PRKCH: variants seen among roughly 807,000 people sequenced by gnomAD.
PRKCH encodes the protein protein kinase C eta.
In PRKCH, 28 loss-of-function variants were observed where a neutral mutation model predicts 82.5. The ratio of observed to expected loss-of-function variants is 0.34; its 90% CI spans 0.25 to 0.47. The LOEUF (loss-of-function observed/expected upper bound fraction) is 0.47, where lower values mean the gene tolerates loss of function less well. Ranked by LOEUF, PRKCH falls within the 20% of genes least tolerant of loss-of-function variation. The pLI, the probability that PRKCH is intolerant of heterozygous loss-of-function variation, is 1.00. For missense variants in PRKCH, 705 were observed against 881.8 expected (o/e 0.80, Z 2.54); for synonymous variants, 322 against 327.4 (o/e 0.98, Z 0.18).
At chr14:61,488,147 G>A (rs8013527) in intron 10 of PRKCH, among the ~76,000 whole-genome samples, 23,274 of 100,448 alleles carry the variant, frequency 0.23, 2,032 homozygotes, top group South Asian at 0.33. Context: ...GCGAGACTCC[G>A]TCTCAAAAAA....
At chr14:61,313,611 T>G (rs1307453761) in intron 1 of PRKCH, among the ~76,000 whole-genome samples, 1 of 152,116 alleles carries the variant, frequency 6.6e-6, no homozygotes, top group Non-Finnish European at 1.5e-5. Flanking sequence ...TACCCGAGAC[T>G]GGGCAATTTA....
At position 61,536,930 on chromosome 14, in the gene PRKCH, A is replaced by G. The variant is rs531257348; in HGVS notation, c.1761+6335A>G. ...GTGTATAGCTGTTCAAACATTTCCT[A>G]TAGACGTGGGTAGTGGACAAAGGAC... is the stretch of plus-strand genomic sequence containing the variant. On this transcript the variant is annotated intron_variant, in intron 12 of 13. Transcript: ENST00000332981. 1.7e-4 allele frequency among the ~76,000 whole-genome samples: 26 copies of G among 152,218 alleles called. No homozygotes were observed. The South Asian group carries it at 2.3e-3, about 13-fold the overall frequency.
chr14:61,201,577 A>G (rs2044482069), intron 1 of PRKCH, among the ~76,000 whole-genome samples: 1 of 152,178 alleles, frequency 6.6e-6, no homozygotes, highest in South Asian at 2.1e-4. Context: ...ATAGTAATAT[A>G]AAGTTAGGGG....
chr14:61,288,483 G>A (rs996465466), intron 1 of PRKCH, among the ~76,000 whole-genome samples: 32 of 152,194 alleles, frequency 2.1e-4, no homozygotes, highest in African/African-American at 7.7e-4. Context: ...CCTATGTCAT[G>A]TGTGCTGATC....
chr14:61,188,604 G>A (rs2044384515), intron 1 of PRKCH, among the ~76,000 whole-genome samples: 1 of 61,278 alleles, frequency 1.6e-5, no homozygotes, highest in Admixed American at 1.8e-4. Context: ...GGGTGGGGGG[G>A]TGGTGTGGTG....
intron 1 of PRKCH, among the ~76,000 whole-genome samples, chr14:61,389,833 T>C (rs1321449883): frequency 6.7e-6 from 1 of 150,222 alleles, no homozygotes; most frequent in Non-Finnish European, 1.5e-5. Flanking sequence ...ACTAGAGTTC[T>C]TGGCCTGGTC....
intron 1 of PRKCH, among the ~76,000 whole-genome samples, chr14:61,276,174 T>G (rs566339636): frequency 1.3e-5 from 2 of 152,230 alleles, no homozygotes; most frequent in East Asian, 3.9e-4. Flanking sequence ...ACGACTCTTT[T>G]GCAACTACTC....
chr14:61,389,616 G>A (rs1409866171), intron 1 of PRKCH, among the ~76,000 whole-genome samples: 1 of 151,594 alleles, frequency 6.6e-6, no homozygotes, highest in Non-Finnish European at 1.5e-5. Context: ...CAGGAGAATC[G>A]CTTGAGGCTG....
chr14:61,393,158 C>T (rs1329351901), intron 2 of PRKCH, among the ~76,000 whole-genome samples: 2 of 152,128 alleles, frequency 1.3e-5, no homozygotes, highest in Admixed American at 6.5e-5. Flanking sequence ...TGTCTCATTA[C>T]TGTTGCTTTA....
intron 2 of PRKCH, among the ~76,000 whole-genome samples, chr14:61,436,547 T>C (rs1208227492): frequency 6.6e-6 from 1 of 152,210 alleles, no homozygotes; most frequent in Non-Finnish European, 1.5e-5. Flanking sequence ...CAACTTATTT[T>C]TTTGAGGTGG....
rs771837086 is a variant in PRKCH at position 61,457,483 on chromosome 14, T to A, written c.1105-23T>A. On this transcript the variant is annotated intron_variant, in intron 8 of 13. Coordinates refer to ENST00000332981, the MANE Select transcript of PRKCH (RefSeq NM_006255.5). ...GACCCCCAAGAGGACTCCCTCATGC[T>A]CCCTCCTTTTGCTTTGCCATAGGTG... 3.7e-6 allele frequency: 6 copies of A among 1,611,512 alleles called. 1 individual carries two copies. In the South Asian group the frequency reaches 6.6e-5, roughly 18 times the overall value.
chr14:61,358,655 G>T (rs1386941897), intron 1 of PRKCH, among the ~76,000 whole-genome samples: 1 of 152,146 alleles, frequency 6.6e-6, no homozygotes, highest in Admixed American at 6.5e-5. Flanking sequence ...AAGCCCTCTT[G>T]TGATGCTCCA....
At chr14:61,532,469 G>C (rs776008666) in intron 12 of PRKCH, among the ~76,000 whole-genome samples, 1 of 152,156 alleles carries the variant, frequency 6.6e-6, no homozygotes, top group Non-Finnish European at 1.5e-5. Flanking sequence ...CACCATTTGA[G>C]TTGGACATTC....
rs558072054 is a variant in PRKCH at position 61,477,021 on chromosome 14, G to A, written c.1279-8481G>A. The A allele has an allele frequency of 5.3e-5, 8 of 152,242 alleles. No homozygotes were observed. In the East Asian group the frequency reaches 9.6e-4, roughly 18 times the overall value. The allele number at this position is 152,242 out of a possible 1,614,324, so 9.4% of individuals were successfully genotyped here. ...GCTTTTCCACTGTGACCTCTTTGAC[G>A]TCAGTAACTGTTTCCTGTTTATTTG... On this transcript the variant is annotated intron_variant, in intron 9 of 13. Transcript: ENST00000332981.
chr14:61,416,181 G>A (rs1272724581), intron 2 of PRKCH, among the ~76,000 whole-genome samples: 2 of 148,652 alleles, frequency 1.3e-5, no homozygotes, highest in South Asian at 2.1e-4. Flanking sequence ...CCAGCTTCCT[G>A]AGTAGCTGGG....
At chr14:61,219,594 TAAA>T (rs2044640067) in intron 1 of PRKCH, among the ~76,000 whole-genome samples, 1 of 152,218 alleles carries the variant, frequency 6.6e-6, no homozygotes, top group Non-Finnish European at 1.5e-5. Flanking sequence ...GCTGAATGCT[TAAA>T]ATGTTGTCAT....
At chr14:61,485,368 T>TG in intron 9 of PRKCH, 134 bp from the exon 10 acceptor site, 1 of 1,162,238 alleles carries the variant, frequency 8.6e-7, no homozygotes, top group Non-Finnish European at 1.2e-6. Flanking sequence ...CCCTGACCCA[T>TG]GGTCAGGATG....
intron 13 of PRKCH, among the ~76,000 whole-genome samples, chr14:61,548,248 G>A (rs1024491615): frequency 3.3e-5 from 5 of 152,040 alleles, no homozygotes; most frequent in African/African-American, 1.2e-4. Flanking sequence ...GCTCCTTGGG[G>A]CACTTTTTGT....
chr14:61,341,236 C>A (rs2045927094), intron 1 of PRKCH, among the ~76,000 whole-genome samples: 1 of 152,144 alleles, frequency 6.6e-6, no homozygotes, highest in African/African-American at 2.4e-5. Context: ...AGTTTATGAG[C>A]TAAGTACTAA....
Sources: allele counts gnomAD v4.1 joint callset (sites outside exome capture counted in the v4.1 genomes callset), GRCh38; gene constraint gnomAD v4.1.1; transcripts MANE v1.5; gene names NCBI Gene and HGNC (gene_info 2026-07-23, HGNC 2026-07-21).